Variants in LAMA2 observed in about 807,000 individuals in gnomAD.
LAMA2 encodes the protein laminin subunit alpha-2.
LAMA2 carries 269 observed loss-of-function variants against 364.8 expected under a neutral mutation model. The observed-to-expected ratio is 0.74, with a 90% CI of 0.67 to 0.82. The LOEUF (loss-of-function observed/expected upper bound fraction) is 0.82, where lower values mean the gene tolerates loss of function less well. Ranked by LOEUF, LAMA2 falls within the 40% of genes least tolerant of loss-of-function variation. The pLI, the probability that LAMA2 is intolerant of heterozygous loss-of-function variation, is 0.00. For missense variants in LAMA2, 3,807 were observed against 3,873.2 expected, an observed-to-expected ratio of 0.98 and a Z score of 0.45; for synonymous variants, 1,379 against 1,370.6, an observed-to-expected ratio of 1.01 and a Z score of -0.14.
chr6:129,110,481 G>A (rs1447074734), intron 4 of LAMA2, among the ~76,000 whole-genome samples: 1 of 151,938 alleles, frequency 6.6e-6, no homozygotes, highest in African/African-American at 2.4e-5. Context: ...TGACTCCCAA[G>A]CAAAAGGAAG....
chr6:129,087,619 A>G (rs1358183223), intron 3 of LAMA2, among the ~76,000 whole-genome samples: 2 of 152,174 alleles, frequency 1.3e-5, no homozygotes, highest in African/African-American at 4.8e-5. Context: ...AAAGGAGAAG[A>G]ACAACATAAT....
At chr6:129,102,968 T>C (rs1775602398) in intron 4 of LAMA2, among the ~76,000 whole-genome samples, 1 of 152,190 alleles carries the variant, frequency 6.6e-6, no homozygotes, top group African/African-American at 2.4e-5. Context: ...ATTACGAAAG[T>C]CCCACCCATG....
intron 12 of LAMA2, among the ~76,000 whole-genome samples, chr6:129,224,229 C>T (rs1583287816): frequency 6.6e-6 from 1 of 152,176 alleles, no homozygotes; most frequent in African/African-American, 2.4e-5. Context: ...TGCTTATCAG[C>T]TTTAGGAGAT....
At chr6:129,425,822 C>G (rs1781300083) in intron 40 of LAMA2, among the ~76,000 whole-genome samples, 1 of 152,084 alleles carries the variant, frequency 6.6e-6, no homozygotes, top group Admixed American at 6.6e-5. Context: ...TTTTATTTAT[C>G]CAGTCTGCCG....
chr6:129,192,734 G>T lies in LAMA2; in HGVS notation c.1663G>T (p.Ala555Ser). The T allele has an allele frequency of 1.2e-6, 2 of 1,614,152 alleles. No homozygotes were observed. Among genetic ancestry groups the T allele is most frequent in the Non-Finnish European group, 8.5e-7 (1 of 1,180,012 alleles). The change falls in exon 12 of 65, where the codon GCT becomes TCT. Residue 555 changes from alanine (A) to serine (S), a missense_variant. Physicochemically the swap from Ala to Ser is moderately conservative, Grantham distance 99. Around this residue, in one of 3 missense-constraint regions of LAMA2, gnomAD observed 3,333 missense variants for 3,345.7 expected, o/e 1.00. Transcript: ENST00000421865. ...TGACCTTCCTGGCCGCATTCGAGTG[G>T]CTCCCCAGCAGGACGACTTGGACTC... ...LTDLPGRIRV[A>S]PQQDDLDSPQ...
At chr6:128,941,560 ACTT>A (rs899591177) in intron 1 of LAMA2, among the ~76,000 whole-genome samples, 7 of 152,138 alleles carry the variant, frequency 4.6e-5, no homozygotes, top group African/African-American at 1.7e-4. Flanking sequence ...GTATTTCACT[ACTT>A]CTTTGCTTCT....
intron 3 of LAMA2, among the ~76,000 whole-genome samples, chr6:129,062,385 T>C (rs982555881): frequency 3.9e-5 from 6 of 152,146 alleles, no homozygotes; most frequent in Non-Finnish European, 7.4e-5. Context: ...ACACTATCTT[T>C]TCTAATGGGT....
At chr6:129,506,473 G>C (rs1002171769) in intron 61 of LAMA2, among the ~76,000 whole-genome samples, 9 of 152,156 alleles carry the variant, frequency 5.9e-5, no homozygotes, top group Non-Finnish European at 2.9e-5. Context: ...CAGGCATAGA[G>C]ATTTAGCAAA....
intron 7 of LAMA2, among the ~76,000 whole-genome samples, chr6:129,151,781 C>T (rs182537292): frequency 1.6e-4 from 24 of 152,214 alleles, no homozygotes; most frequent in Non-Finnish European, 4.4e-5. Context: ...GGAGCTGCCC[C>T]CTTGATCCAG....
intron 1 of LAMA2, among the ~76,000 whole-genome samples, chr6:129,005,710 ATGTGTGTGTG>A: frequency 6.7e-6 from 1 of 148,618 alleles, no homozygotes; most frequent in East Asian, 2.0e-4. Context: ...TGGGGGAAAA[ATGTGTGTGTG>A]TGTGTGTATG....
At chr6:129,465,761 G>A (rs1314672348) in intron 51 of LAMA2, among the ~76,000 whole-genome samples, 10 of 151,836 alleles carry the variant, frequency 6.6e-5, no homozygotes, top group African/African-American at 2.4e-4. Context: ...ATGATTCGGG[G>A]ACATTTTAAA....
At chr6:129,356,073 C>T (rs1443385211) in intron 32 of LAMA2, among the ~76,000 whole-genome samples, 1 of 152,038 alleles carries the variant, frequency 6.6e-6, no homozygotes, top group East Asian at 1.9e-4. Flanking sequence ...CACCTTGGTC[C>T]CTAAAAGATA....
chr6:128,884,574 C>A (rs927928885), intron 1 of LAMA2, among the ~76,000 whole-genome samples: 1 of 152,072 alleles, frequency 6.6e-6, no homozygotes, highest in Non-Finnish European at 1.5e-5. Flanking sequence ...ATAATAATAA[C>A]TCCCTGATTA....
At chr6:129,129,720 C>G (rs568681841) in intron 4 of LAMA2, among the ~76,000 whole-genome samples, 1 of 151,884 alleles carries the variant, frequency 6.6e-6, no homozygotes, top group African/African-American at 2.4e-5. Context: ...GTCAGGAGAT[C>G]GAGACCATCC....
chr6:129,175,648 AC>A (rs1001982155), intron 9 of LAMA2, among the ~76,000 whole-genome samples: 2 of 152,182 alleles, frequency 1.3e-5, no homozygotes, highest in Admixed American at 6.5e-5. Flanking sequence ...CAATGAGAAC[AC>A]ATGAACACAG....
intron 4 of LAMA2, among the ~76,000 whole-genome samples, chr6:129,141,706 A>G (rs1463479774): frequency 6.6e-6 from 1 of 152,080 alleles, no homozygotes; most frequent in African/African-American, 2.4e-5. Flanking sequence ...ATTAACACAC[A>G]TGATATATCA....
At chr6:129,210,760 A>G (rs893382190) in intron 12 of LAMA2, among the ~76,000 whole-genome samples, 1 of 152,178 alleles carries the variant, frequency 6.6e-6, no homozygotes, top group East Asian at 1.9e-4. Flanking sequence ...CCTAATTAGA[A>G]CACCCAAAAA....
rs1365073150 is a variant in LAMA2, at chr6:129,131,232, G to A, written c.640-12669G>A. On this transcript the variant is annotated intron_variant, in intron 4 of 64. Coordinates refer to ENST00000421865, the MANE Select transcript of LAMA2 (RefSeq NM_000426.4). ...TTCATTCATGCTGTGTTTGTCAAGAGGAAAGAGAAAAGGAATGTTGTGAAA... is the reference window on the plus strand; with the variant it reads ...TTCATTCATGCTGTGTTTGTCAAGAAGAAAGAGAAAAGGAATGTTGTGAAA... 7.2e-5 allele frequency among the ~76,000 whole-genome samples: 11 copies of A among 152,258 alleles called. No homozygotes were observed. In the South Asian group the frequency reaches 2.1e-3, roughly 29 times the overall value.
At chr6:128,959,160 T>C (rs968590630) in intron 1 of LAMA2, among the ~76,000 whole-genome samples, 2 of 152,188 alleles carry the variant, frequency 1.3e-5, no homozygotes, top group African/African-American at 4.8e-5. Flanking sequence ...CTACATACAT[T>C]TTACTAATTT....
Sources: allele counts gnomAD v4.1 joint callset (sites outside exome capture counted in the v4.1 genomes callset), GRCh38; gene constraint gnomAD v4.1.1; regional missense constraint gnomAD v4.1.1; transcripts MANE v1.5; gene names NCBI Gene and HGNC (gene_info 2026-07-23, HGNC 2026-07-21).